Variants in SHANK2 observed in about 807,000 individuals in gnomAD.
SHANK2 encodes SH3 and multiple ankyrin repeat domains 2, also known as SH3 and multiple ankyrin repeat domains protein 2.
Under a neutral mutation model 133.7 loss-of-function variants are expected in SHANK2, and 43 were observed. That is an observed-to-expected ratio of 0.32 (90% CI 0.25 to 0.41). The LOEUF (loss-of-function observed/expected upper bound fraction) is 0.41, where lower values mean the gene tolerates loss of function less well. Ranked by LOEUF, SHANK2 falls within the 10% of genes least tolerant of loss-of-function variation. SHANK2 has a pLI of 1.00. For synonymous variants in SHANK2, 1,017 were observed against 952.8 expected, an observed-to-expected ratio of 1.07 and a Z score of -1.24; for missense variants, 1,994 against 2,235.8, an observed-to-expected ratio of 0.89 and a Z score of 2.18.
intron 14 of SHANK2, among the ~76,000 whole-genome samples, chr11:70,752,199 C>T (rs1168137630): frequency 6.6e-6 from 1 of 152,144 alleles, no homozygotes; most frequent in East Asian, 1.9e-4. Flanking sequence ...TCCCTCCCCC[C>T]TTGGCCTCCC....
intron 14 of SHANK2, among the ~76,000 whole-genome samples, chr11:70,744,731 G>A (rs1946602815): frequency 1.3e-5 from 2 of 152,222 alleles, no homozygotes; most frequent in African/African-American, 4.8e-5. Flanking sequence ...GCCAGACGAA[G>A]TTTCTTGGGG....
intron 17 of SHANK2, among the ~76,000 whole-genome samples, chr11:70,532,940 C>T (rs2059494275): frequency 6.6e-6 from 1 of 152,198 alleles, no homozygotes; most frequent in East Asian, 1.9e-4. Flanking sequence ...GAAATGCTGA[C>T]ACGTGTTCCA....
chr11:71,111,303 C>A (rs566065684), intron 5 of SHANK2, among the ~76,000 whole-genome samples: 101 of 152,308 alleles, frequency 6.6e-4, no homozygotes, highest in African/African-American at 2.4e-3. Context: ...GTACTTAACC[C>A]ACTTTGTGGT....
At chr11:70,682,404 G>T (rs1555018582) in intron 15 of SHANK2, among the ~76,000 whole-genome samples, 1 of 152,200 alleles carries the variant, frequency 6.6e-6, no homozygotes, top group African/African-American at 2.4e-5. Flanking sequence ...TGTTGCAAAG[G>T]CTGGCGGGAG....
chr11:70,551,754 C>T (rs1554978112), intron 17 of SHANK2, among the ~76,000 whole-genome samples: 1 of 152,246 alleles, frequency 6.6e-6, no homozygotes, highest in African/African-American at 2.4e-5. Context: ...GCTGTGGGCC[C>T]CACCTGGGGA....
chr11:70,773,331 GAAC>G lies in SHANK2; in HGVS notation c.1777+25109_1777+25111del, dbSNP rs556741478. Among the ~76,000 whole-genome samples, 12 of 152,280 alleles carry G rather than the reference GAAC, an allele frequency of 7.9e-5. No individual in the cohort carries two copies. The South Asian group carries it at 2.5e-3, about 32-fold the overall frequency. The stretch of plus-strand genomic sequence containing the variant: ...CGTTATTCACAAGAGGGAAACATGC[GAAC>G]AACTGCAGTATCATAAGTCAGAAGT... On this transcript the variant is annotated intron_variant, in intron 14 of 25. Transcript: ENST00000601538.
chr11:71,210,148 T>A (rs1177477291), intron 2 of SHANK2, among the ~76,000 whole-genome samples: 1 of 144,960 alleles, frequency 6.9e-6, no homozygotes, highest in Non-Finnish European at 1.5e-5. Flanking sequence ...ATCCCCAGTA[T>A]TTAGTGGTGC....
At chr11:70,908,636 G>T (rs113576274) in intron 10 of SHANK2, among the ~76,000 whole-genome samples, 1 of 152,302 alleles carries the variant, frequency 6.6e-6, no homozygotes, top group Non-Finnish European at 1.5e-5. Flanking sequence ...CCTGGGATTC[G>T]GACCAGGCCT....
At chr11:70,947,783 A>G (rs558582592) in intron 10 of SHANK2, among the ~76,000 whole-genome samples, 36 of 152,306 alleles carry the variant, frequency 2.4e-4, no homozygotes, top group African/African-American at 8.7e-4. Context: ...CTCACTCAGC[A>G]TCTTCATGAG....
intron 2 of SHANK2, among the ~76,000 whole-genome samples, chr11:71,193,943 G>T (rs973229654): frequency 6.6e-6 from 1 of 152,058 alleles, no homozygotes; most frequent in African/African-American, 2.4e-5. Context: ...AAAGACCCTC[G>T]CTCCAAATAA....
At chr11:70,740,858 AG>A (rs1473131880) in intron 14 of SHANK2, among the ~76,000 whole-genome samples, 6 of 152,270 alleles carry the variant, frequency 3.9e-5, no homozygotes, top group African/African-American at 1.4e-4. Context: ...CAGATGGGAA[AG>A]GGCAGAATCC....
At position 70,535,524 on chromosome 11, in the gene SHANK2, A is replaced by G. The variant is rs2135997055; in HGVS notation, c.2062-32593T>C. ...CGTCCGTCCATCTATTCATCCATTC[A>G]CCATCATCCATCAGTCTATTCATCT... On this transcript the variant is annotated intron_variant, in intron 17 of 25. Transcript: ENST00000601538. This position sits in a 1 kb window ranked among gnomAD's most constrained non-coding sequence, Gnocchi z 4.3. 6.6e-6 allele frequency among the ~76,000 whole-genome samples: 1 copy of G among 151,948 alleles called. No individual in the cohort carries two copies. Among genetic ancestry groups the G allele is most frequent in the East Asian group, 1.9e-4 (1 of 5,170 alleles).
intron 15 of SHANK2, among the ~76,000 whole-genome samples, chr11:70,675,562 A>C (rs1944890748): frequency 6.6e-6 from 1 of 152,194 alleles, no homozygotes; most frequent in African/African-American, 2.4e-5. Context: ...CAGCCCTCCC[A>C]ACCCAGACAA....
chr11:70,759,645 AAG>A (rs1946949052), intron 14 of SHANK2, among the ~76,000 whole-genome samples: 1 of 152,154 alleles, frequency 6.6e-6, no homozygotes, highest in Non-Finnish European at 1.5e-5. Flanking sequence ...TGGTGGCAAT[AAG>A]AGACTGGATT....
At chr11:70,489,983 T>TC in intron 23 of SHANK2, 2 of 175,514 alleles carry the variant, frequency 1.1e-5, no homozygotes, top group Non-Finnish European at 2.1e-5. Flanking sequence ...CCGCCCACCC[T>TC]CCCGCTTTAC....
At chr11:70,556,590 CT>C (rs56161301) in intron 17 of SHANK2, among the ~76,000 whole-genome samples, 34 of 140,176 alleles carry the variant, frequency 2.4e-4, no homozygotes, top group African/African-American at 4.5e-4. Flanking sequence ...TAATTTTTTT[CT>C]TTTTTTTTTT....
At chr11:70,879,948 G>A (rs1949633269) in intron 11 of SHANK2, among the ~76,000 whole-genome samples, 1 of 152,208 alleles carries the variant, frequency 6.6e-6, no homozygotes, top group African/African-American at 2.4e-5. Context: ...TGGCTTTTGA[G>A]GGTAGCCAGA....
upstream of SHANK2, among the ~76,000 whole-genome samples, chr11:71,253,154 G>GT (rs2135855522): frequency 1.3e-5 from 2 of 152,302 alleles, no homozygotes; most frequent in African/African-American, 4.8e-5. Context: ...AGGGGGTGGG[G>GT]TGGGGGGAGC....
intron 17 of SHANK2, among the ~76,000 whole-genome samples, chr11:70,632,380 C>T (rs1218416202): frequency 6.6e-6 from 1 of 152,072 alleles, no homozygotes; most frequent in East Asian, 1.9e-4. Flanking sequence ...CCGCCTCAGC[C>T]TCCCAACTGG....
Sources: gnomAD v4.1 joint callset for allele counts (sites outside exome capture counted in the v4.1 genomes callset) on GRCh38, gnomAD v4.1.1 for gene constraint, Gnocchi (gnomAD v3.1) non-coding constraint, MANE v1.5 for transcripts, NCBI Gene and HGNC (gene_info 2026-07-23, HGNC 2026-07-21) for gene names.